TOMM20: variants seen among roughly 807,000 people sequenced by gnomAD.
TOMM20 encodes translocase of outer mitochondrial membrane 20, also known as mitochondrial import receptor subunit TOM20 homolog.
In TOMM20, 10 loss-of-function variants were observed where a neutral mutation model predicts 22.1. The ratio of observed to expected loss-of-function variants is 0.45; its 90% confidence interval spans 0.28 to 0.77. The LOEUF (loss-of-function observed/expected upper bound fraction) is 0.77. Ranked by LOEUF, TOMM20 falls within the 30% of genes least tolerant of loss-of-function variation. The pLI, the probability that TOMM20 is intolerant of heterozygous loss-of-function variation, is 0.13. For synonymous variants in TOMM20, 55 were observed against 61.4 expected, an observed-to-expected ratio of 0.90 and a Z score of 0.49; for missense variants, 121 against 172.2, an observed-to-expected ratio of 0.70 and a Z score of 1.66.
rs952970452 is a variant in TOMM20, at chr1:235,110,524, C to A, written c.*1540G>T. ...AACAAAAAAGCACTGTTTAAGGGTT[C>A]AGGATCACAAACCCTCAAGATACCC... On this transcript the variant is annotated 3_prime_UTR_variant, in exon 5 of 5. Transcript: ENST00000366607. 2.0e-5 allele frequency: 3 copies of A among 152,160 alleles called. No homozygotes were observed. The highest frequency in any genetic ancestry group is 2.9e-5 in the Non-Finnish European group (2 of 68,062). 9.4% of individuals were successfully genotyped at this position (152,160 alleles called of 1,614,324 possible).
chr1:235,116,350 C>A (rs984185907), intron 3 of TOMM20, among the ~76,000 whole-genome samples: 4 of 151,682 alleles, frequency 2.6e-5, no homozygotes, highest in African/African-American at 9.7e-5. Context: ...ACCATCCTGG[C>A]CAACATGGTG....
chr1:235,124,673 T>A (rs1660982588), intron 1 of TOMM20, among the ~76,000 whole-genome samples: 1 of 152,310 alleles, frequency 6.6e-6, no homozygotes, highest in South Asian at 2.1e-4. Flanking sequence ...GAGTCATAAG[T>A]TTTTTTAATA....
At chr1:235,121,282 T>A (rs566482835) in intron 2 of TOMM20, among the ~76,000 whole-genome samples, 1 of 152,092 alleles carries the variant, frequency 6.6e-6, no homozygotes, top group South Asian at 2.1e-4. Context: ...CTTATTAACC[T>A]AGCCAACACA....
At chr1:235,128,459 G>C (rs1432857242) in intron 1 of TOMM20, 136 bp downstream of exon 1, 1 of 1,378,178 alleles carries the variant, frequency 7.3e-7, no homozygotes, top group Non-Finnish European at 9.9e-7. Context: ...GGCGCAGCCA[G>C]CGCCATCGCC....
At chr1:235,117,083 G>A (rs866084530) in intron 3 of TOMM20, among the ~76,000 whole-genome samples, 9 of 132,642 alleles carry the variant, frequency 6.8e-5, no homozygotes, top group South Asian at 5.0e-4. Flanking sequence ...TGCAGTGAGC[G>A]GAGATCGCGC....
At chr1:235,118,853 T>A (rs1426536227) in intron 3 of TOMM20, among the ~76,000 whole-genome samples, 1 of 152,198 alleles carries the variant, frequency 6.6e-6, no homozygotes, top group African/African-American at 2.4e-5. Flanking sequence ...CCCTTCCCAG[T>A]CTGTTGGCAA....
intron 2 of TOMM20, among the ~76,000 whole-genome samples, chr1:235,120,129 C>T (rs1660903802): frequency 6.6e-6 from 1 of 152,132 alleles, no homozygotes; most frequent in Non-Finnish European, 1.5e-5. Flanking sequence ...AAAGCTCTAA[C>T]TCGAATGTAA....
chr1:235,128,019 C>CA (rs1282551313), intron 1 of TOMM20: 16 of 375,356 alleles, frequency 4.3e-5, no homozygotes, highest in Non-Finnish European at 6.9e-5. Flanking sequence ...CTACTAAACA[C>CA]AAAAAATCAC....
At chr1:235,116,181 T>C (rs993369505) in intron 3 of TOMM20, among the ~76,000 whole-genome samples, 1 of 151,864 alleles carries the variant, frequency 6.6e-6, no homozygotes, top group African/African-American at 2.4e-5. Flanking sequence ...CCGAGGTGGG[T>C]GGATCACCTA....
intron 4 of TOMM20, 137 bp downstream of exon 4, chr1:235,113,631 C>T (rs926348214): frequency 5.2e-5 from 58 of 1,117,736 alleles, no homozygotes; most frequent in Non-Finnish European, 7.1e-5. Flanking sequence ...AAATGTCAAG[C>T]GCTGATATCT....
chr1:235,117,851 G>A (rs1175813676), intron 3 of TOMM20, among the ~76,000 whole-genome samples: 1 of 151,800 alleles, frequency 6.6e-6, no homozygotes, highest in African/African-American at 2.4e-5. Context: ...GACTATGATT[G>A]TCCCATCTAC....
At chr1:235,115,310 A>G (rs1660811516) in intron 3 of TOMM20, among the ~76,000 whole-genome samples, 1 of 152,166 alleles carries the variant, frequency 6.6e-6, no homozygotes, top group African/African-American at 2.4e-5. Flanking sequence ...GCCTTACATA[A>G]AAATAACTCC....
intron 3 of TOMM20, among the ~76,000 whole-genome samples, chr1:235,114,223 T>C (rs1013968685): frequency 2.0e-5 from 3 of 152,136 alleles, no homozygotes; most frequent in African/African-American, 7.2e-5. Flanking sequence ...AACAATCGCA[T>C]AGTACTTTTC....
chr1:235,116,991 CG>C (rs1318304338), intron 3 of TOMM20, among the ~76,000 whole-genome samples: 2 of 150,414 alleles, frequency 1.3e-5, no homozygotes, highest in Non-Finnish European at 3.0e-5. Flanking sequence ...AAAAACTAGC[CG>C]GGCGTGGTGG....
chr1:235,126,411 G>A (rs1382399790), intron 1 of TOMM20, among the ~76,000 whole-genome samples: 5 of 151,728 alleles, frequency 3.3e-5, no homozygotes, highest in Admixed American at 2.0e-4. Flanking sequence ...GATTACTAGC[G>A]TTGAGCCACC....
At chr1:235,125,261 C>T (rs1051927868) in intron 1 of TOMM20, among the ~76,000 whole-genome samples, 4 of 152,126 alleles carry the variant, frequency 2.6e-5, no homozygotes, top group African/African-American at 4.8e-5. Flanking sequence ...GTCGCCCAGG[C>T]GGGAGTGCAG....
In TOMM20 at chr1:235,119,741, C is replaced by A. The variant is rs186770284; in HGVS notation, c.250+77G>T. 432 of 972,114 alleles carry A rather than the reference C, an allele frequency of 4.4e-4. 3 individuals are homozygous for A. The East Asian group carries it at 0.011, about 24-fold the overall frequency. 60.2% of individuals were successfully genotyped at this position (972,114 alleles called of 1,614,324 possible). On this transcript the variant is annotated intron_variant, in intron 3 of 4. Coordinates refer to ENST00000366607, the MANE Select transcript of TOMM20 (RefSeq NM_014765.3). ...TTTTCTAACAGCCAAATTACACAAA[C>A]AAAGCCCCTTATCATTATAAATTTC...
At chr1:235,126,067 TTAGATAGA>T (rs750628138) in intron 1 of TOMM20, among the ~76,000 whole-genome samples, 6 of 147,900 alleles carry the variant, frequency 4.1e-5, no homozygotes, top group Admixed American at 6.8e-5. Flanking sequence ...ATAGATTAGA[TTAGATAGA>T]TAGATAGATA....
rs1204811357 is a variant in TOMM20 at position 235,112,056 on chromosome 1, T to C, written c.*8A>G. 3 of 1,604,882 alleles carry C rather than the reference T, an allele frequency of 1.9e-6. No homozygotes were observed. In the South Asian group the frequency reaches 3.4e-5, roughly 18 times the overall value. On this transcript the variant is annotated 3_prime_UTR_variant, in exon 5 of 5. Transcript: ENST00000366607. ...TAACTGAGATTTTATTATGTTGACATTTGTTTCTCATTCCACATCATCTTC... is the reference window on the plus strand; with the variant it reads ...TAACTGAGATTTTATTATGTTGACACTTGTTTCTCATTCCACATCATCTTC...
Sources: gnomAD v4.1 joint callset for allele counts (sites outside exome capture counted in the v4.1 genomes callset) on GRCh38, gnomAD v4.1.1 for gene constraint, MANE v1.5 for transcripts, NCBI Gene and HGNC (gene_info 2026-07-23, HGNC 2026-07-21) for gene names.